The following HEATR5A variants were observed in gnomAD, a reference collection of about 807,000 sequenced individuals.
HEATR5A encodes the protein HEAT repeat containing 5A, also known as HEAT repeat-containing protein 5A.
HEATR5A carries 178 observed loss-of-function variants against 218.8 expected under a neutral mutation model. The observed-to-expected ratio is 0.81, with a 90% CI of 0.72 to 0.92. HEATR5A has a LOEUF of 0.92. Among genes scored for constraint, HEATR5A ranks in the 40% least tolerant of loss-of-function variants. The pLI, the probability that HEATR5A is intolerant of heterozygous loss-of-function variation, is 0.00. For missense variants in HEATR5A, 2,420 were observed against 2,418.9 expected (o/e 1.00, Z -0.01); for synonymous variants, 864 against 871.6 (o/e 0.99, Z 0.15).
chr14:31,384,830 T>A (rs2030146298), intron 9 of HEATR5A, among the ~76,000 whole-genome samples: 1 of 151,762 alleles, frequency 6.6e-6, no homozygotes, highest in Non-Finnish European at 1.5e-5. Flanking sequence ...CCAGCCTACA[T>A]AATTAATACA....
At position 31,398,721 on chromosome 14, in the gene HEATR5A, G is replaced by T; in HGVS notation, c.399C>A (p.Thr133=). The change falls in exon 4 of 36, where the codon ACC becomes ACA. Residue 133 remains threonine (T), a synonymous_variant. Coordinates refer to ENST00000543095, the MANE Select transcript of HEATR5A (RefSeq NM_015473.4). ...YKKLGRILGN[T]FTDTVGNILK... ...GAATATTCCCCACTGTATCAGTAAA[G>T]GTGTTACCCAGTATTCTACCCAACT... 1 of 1,532,760 alleles carries T rather than the reference G, an allele frequency of 6.5e-7. No individual in the cohort carries two copies. The highest frequency in any genetic ancestry group is 1.2e-5 in the South Asian group (1 of 83,960). The allele number at this position is 1,532,760 out of a possible 1,614,324, so 94.9% of individuals were successfully genotyped here.
intron 26 of HEATR5A, among the ~76,000 whole-genome samples, 156 bp downstream of exon 26, chr14:31,318,068 A>G (rs1301343534): frequency 6.6e-6 from 1 of 152,228 alleles, no homozygotes; most frequent in Non-Finnish European, 1.5e-5. Flanking sequence ...GTGGATTATC[A>G]TGCAGTTATC....
chr14:31,386,333 C>A, intron 9 of HEATR5A, 87 bp downstream of exon 9: 1 of 925,398 alleles, frequency 1.1e-6, no homozygotes, highest in Non-Finnish European at 1.6e-6. Flanking sequence ...ATAATGGAAT[C>A]TATAAGTAAG....
chr14:31,393,066 C>T (rs1394948533), intron 6 of HEATR5A, among the ~76,000 whole-genome samples: 1 of 152,110 alleles, frequency 6.6e-6, no homozygotes, highest in African/African-American at 2.4e-5. Flanking sequence ...GAATTATCTA[C>T]ATTATATGCT....
intron 1 of HEATR5A, among the ~76,000 whole-genome samples, chr14:31,405,259 C>A (rs1412961780): frequency 2.0e-5 from 3 of 152,028 alleles, no homozygotes; most frequent in Non-Finnish European, 4.4e-5. Context: ...CACGGCAAAA[C>A]CCCATCTCTA....
intron 1 of HEATR5A, among the ~76,000 whole-genome samples, chr14:31,407,707 C>T (rs1009472329): frequency 5.4e-5 from 8 of 147,570 alleles, no homozygotes; most frequent in African/African-American, 2.0e-4. Context: ...CGGCTCACTG[C>T]AACCTCCACC....
intron 16 of HEATR5A, among the ~76,000 whole-genome samples, chr14:31,353,220 T>C (rs1901294730): frequency 6.6e-6 from 1 of 152,126 alleles, no homozygotes; most frequent in South Asian, 2.1e-4. Flanking sequence ...AAAACAGAGA[T>C]TGTATTGTAC....
Position 31,403,025 on chromosome 14 carries a change from G to C in HEATR5A, c.-50C>G, listed in dbSNP as rs1453026160. 2.0e-6 allele frequency: 3 copies of C among 1,506,588 alleles called. No homozygotes were observed. The highest frequency in any genetic ancestry group is 2.0e-5 in the Admixed American group (1 of 49,082). 93.3% of individuals were successfully genotyped at this position (1,506,588 alleles called of 1,614,324 possible). A position where few individuals can be genotyped will look rare whatever the true frequency, so the allele number is the denominator to read the frequency against. ...ATCACAGTTCTTCTCGTTAAACTTT[G>C]GTCAATATACCTAACAATAAAAATC... On this transcript the variant is annotated 5_prime_UTR_variant, in exon 2 of 36. Coordinates refer to ENST00000543095, the MANE Select transcript of HEATR5A (RefSeq NM_015473.4).
intron 25 of HEATR5A, chr14:31,320,452 C>T: frequency 7.3e-7 from 1 of 1,361,088 alleles, no homozygotes; most frequent in South Asian, 1.2e-5. Flanking sequence ...TGTCAGTGTC[C>T]CGGGAGACAA....
At chr14:31,320,320 C>T (rs1900050511) in intron 25 of HEATR5A, 1 of 774,768 alleles carries the variant, frequency 1.3e-6, no homozygotes. Flanking sequence ...AGAGGAGTTG[C>T]TGCTTGAGAG....
Position 31,320,283 on chromosome 14 carries a change from A to T in HEATR5A, c.3969+1216T>A, listed in dbSNP as rs1900049417. The T allele has an allele frequency of 1.8e-5, 13 of 718,544 alleles. No individual in the cohort carries two copies. The Admixed American group carries it at 2.3e-4, about 13-fold the overall frequency. The allele number at this position is 718,544 out of a possible 1,614,324, so 44.5% of individuals were successfully genotyped here. ...AAACAGAAGAGCCCCATGGCCTCAG[A>T]CAGGGCAAAGCCCAGAATGGCATAG... On this transcript the variant is annotated intron_variant, in intron 25 of 35. Transcript: ENST00000543095.
chr14:31,358,685 G>A lies in HEATR5A; in HGVS notation c.2363C>T (p.Ala788Val). Residue 788 changes from alanine to valine, a missense_variant, in exon 16 of 36, where the codon GCA (alanine) becomes GTA (valine). Transcript: ENST00000543095. ...GCATACAACCCCAAAGAGCTTGGAT[G>A]CAGAACTAATAACTGATAGTGCTGG... ...LPPALSVISS[A>V]SKLFGVVCAH... The A allele has an allele frequency of 6.2e-7, 1 of 1,613,920 alleles. No homozygotes were observed.
intron 4 of HEATR5A, among the ~76,000 whole-genome samples, chr14:31,396,605 G>A (rs1275735635): frequency 1.3e-5 from 2 of 152,180 alleles, no homozygotes; most frequent in Non-Finnish European, 2.9e-5. Flanking sequence ...TAGTAATATT[G>A]TTAATTTATC....
chr14:31,409,067 A>AAAAAAAG (rs1173566466), intron 1 of HEATR5A, among the ~76,000 whole-genome samples: 1 of 126,692 alleles, frequency 7.9e-6, no homozygotes, highest in Non-Finnish European at 1.7e-5. Context: ...AAAAAAAAAA[A>AAAAAAAG]GATGGAGTCT....
At chr14:31,295,774 A>G in intron 34 of HEATR5A, 135 bp downstream of exon 34, 3 of 673,072 alleles carry the variant, frequency 4.5e-6, no homozygotes, top group Non-Finnish European at 7.5e-6. Context: ...CTGAAATAGA[A>G]ATTAATCTTA....
intron 22 of HEATR5A, among the ~76,000 whole-genome samples, chr14:31,328,014 C>T (rs1028784079): frequency 6.6e-6 from 1 of 152,122 alleles, no homozygotes; most frequent in Non-Finnish European, 1.5e-5. Flanking sequence ...AGTACAGTGG[C>T]ACAATCTCAC....
chr14:31,359,067 C>T lies in HEATR5A; in HGVS notation c.2072-10G>A, dbSNP rs1901523752. 1 of 1,591,636 alleles carries T rather than the reference C, an allele frequency of 6.3e-7. No homozygotes were observed. Among genetic ancestry groups the T allele is most frequent in the African/African-American group, 1.4e-5 (1 of 73,464 alleles). On this transcript the variant is annotated splice_polypyrimidine_tract_variant and intron_variant, in intron 14 of 35. Transcript: ENST00000543095. ...ATAGCACAGAGGTTTCCTGTTGAGT[C>T]ACAGAAAAAGAGCAATTAGTACTAT...
At chr14:31,333,418 A>G (rs1372583121) in intron 22 of HEATR5A, among the ~76,000 whole-genome samples, 1 of 151,818 alleles carries the variant, frequency 6.6e-6, no homozygotes, top group Non-Finnish European at 1.5e-5. Context: ...CATCCGGCTA[A>G]TTTTTGTATT....
chr14:31,376,503 A>C (rs1490165713), intron 11 of HEATR5A, among the ~76,000 whole-genome samples: 1 of 152,182 alleles, frequency 6.6e-6, no homozygotes, highest in African/African-American at 2.4e-5. Flanking sequence ...TCCTTTCTTT[A>C]AATAAATAAA....
Sources: allele counts gnomAD v4.1 joint callset (sites outside exome capture counted in the v4.1 genomes callset), GRCh38; gene constraint gnomAD v4.1.1; transcripts MANE v1.5; gene names NCBI Gene and HGNC (gene_info 2026-07-23, HGNC 2026-07-21).